The following TTC12 variants were observed in gnomAD, a reference collection of about 807,000 sequenced individuals.
TTC12 encodes the protein tetratricopeptide repeat domain 12.
In TTC12, 70 loss-of-function variants were observed where a neutral mutation model predicts 90.1. The ratio of observed to expected loss-of-function variants is 0.78; its 90% CI spans 0.64 to 0.95. The LOEUF is 0.95. Ranked by LOEUF, TTC12 falls within the 40% of genes least tolerant of loss-of-function variation. TTC12 has a pLI of 0.00. For synonymous variants in TTC12, 296 were observed against 311.5 expected (o/e 0.95, Z 0.53); for missense variants, 819 against 846.1 (o/e 0.97, Z 0.40).
chr11:113,337,104 TAAAA>T (rs1555144299), intron 8 of TTC12, among the ~76,000 whole-genome samples: 1 of 152,194 alleles, frequency 6.6e-6, no homozygotes, highest in African/African-American at 2.4e-5. Flanking sequence ...TAAAGCCAAA[TAAAA>T]GAAATGTGAA....
At chr11:113,348,277 A>G (rs1232445951) in intron 13 of TTC12, among the ~76,000 whole-genome samples, 1 of 152,178 alleles carries the variant, frequency 6.6e-6, no homozygotes, top group Non-Finnish European at 1.5e-5. Flanking sequence ...CGCCTAAGCC[A>G]ATGTCCTGGA....
At chr11:113,361,560 G>A (rs1473111382) in intron 18 of TTC12, among the ~76,000 whole-genome samples, 1 of 147,258 alleles carries the variant, frequency 6.8e-6, no homozygotes, top group Admixed American at 6.8e-5. Flanking sequence ...CAGTGGAGCT[G>A]CGTTTGCTGG....
In TTC12 at chr11:113,359,637, G is replaced by A. The variant is rs532183629; in HGVS notation, c.1545+176G>A. On this transcript the variant is annotated intron_variant, in intron 17 of 21. Transcript: ENST00000529221. ...CCTTTGCTCTGCTGAGGGATGGATG[G>A]ATCACCACTCAGTCATGTATTCACT... Among the ~76,000 whole-genome samples, 7 of 152,310 alleles carry A rather than the reference G, an allele frequency of 4.6e-5. No homozygotes were observed. The South Asian group carries it at 8.3e-4, about 18-fold the overall frequency.
intron 1 of TTC12, 60 bp from the exon 2 acceptor site, chr11:113,316,183 C>T: frequency 5.0e-6 from 4 of 805,762 alleles, no homozygotes; most frequent in South Asian, 9.3e-5. Flanking sequence ...GCTAATAAGC[C>T]TGACCGTTCT....
chr11:113,367,100 C>T (rs998744425), downstream of TTC12, among the ~76,000 whole-genome samples: 9 of 152,226 alleles, frequency 5.9e-5, no homozygotes, highest in African/African-American at 2.2e-4. Flanking sequence ...CAGGGTCACT[C>T]TAAACCAGGG....
intron 13 of TTC12, among the ~76,000 whole-genome samples, chr11:113,345,690 T>C (rs979690762): frequency 3.2e-4 from 49 of 152,358 alleles, no homozygotes; most frequent in African/African-American, 1.1e-3. Context: ...AGATGCAGAT[T>C]GTTAGTGGAG....
intron 8 of TTC12, among the ~76,000 whole-genome samples, chr11:113,338,051 A>G (rs1405125782): frequency 2.0e-5 from 3 of 147,012 alleles, no homozygotes; most frequent in African/African-American, 7.5e-5. Context: ...TGAACCTTCA[A>G]GATTATCTCA....
At chr11:113,335,086 C>A in intron 8 of TTC12, 49 bp downstream of exon 8, 2 of 1,337,318 alleles carry the variant, frequency 1.5e-6, no homozygotes, top group Non-Finnish European at 2.2e-6. Context: ...CAGACTGATG[C>A]TCCCAGTTGT....
chr11:113,368,846 A>G (rs1950299336), downstream of TTC12: 1 of 287,938 alleles, frequency 3.5e-6, no homozygotes, highest in Non-Finnish European at 6.5e-6. Context: ...CATTAAAAGT[A>G]ATGACAAAAA....
chr11:113,363,845 A>C lies in TTC12; in HGVS notation c.1734A>C (p.Ala578=), dbSNP rs536273999. 6.8e-6 allele frequency: 11 copies of C among 1,612,764 alleles called. No homozygotes were observed. The highest frequency in any genetic ancestry group is 9.3e-6 in the Non-Finnish European group (11 of 1,179,006). The part of the protein sequence containing the change: ...MKFLKTGGET[A]SRYAIKILAI... ...AAATCTAGACAGGAGGTGAGACTGC[A>C]TCACGTTATGCTATAAAGATACTAG... Residue 578 remains alanine, a synonymous_variant, in exon 20 of 22, where the codon GCA becomes GCC. Transcript: ENST00000529221.
At chr11:113,348,507 T>C (rs1591592149) in intron 13 of TTC12, among the ~76,000 whole-genome samples, 1 of 152,186 alleles carries the variant, frequency 6.6e-6, no homozygotes, top group Non-Finnish European at 1.5e-5. Context: ...ATCACAGTTC[T>C]CCCCTGGTTG....
chr11:113,372,247 A>G (rs1950405466), intron 21 of TTC12, among the ~76,000 whole-genome samples: 1 of 152,200 alleles, frequency 6.6e-6, no homozygotes, highest in Admixed American at 6.5e-5. Context: ...CATCAACATC[A>G]GGGGAAAATA....
intron 2 of TTC12, among the ~76,000 whole-genome samples, chr11:113,321,087 C>G (rs1555138210): frequency 6.6e-6 from 1 of 151,936 alleles, no homozygotes; most frequent in Non-Finnish European, 1.5e-5. Context: ...AGAAAATTGG[C>G]CAAGGATAGG....
chr11:113,360,485 T>C (rs558087572), intron 18 of TTC12, among the ~76,000 whole-genome samples: 2 of 152,344 alleles, frequency 1.3e-5, no homozygotes, highest in East Asian at 3.9e-4. Context: ...TTACCCTCTT[T>C]TTAAAATATA....
Position 113,364,704 on chromosome 11 carries a change from C to A in TTC12, c.1817-131C>A, listed in dbSNP as rs1343676436. The A allele has an allele frequency of 1.1e-5, 8 of 695,916 alleles. No individual in the cohort carries two copies. In the East Asian group the frequency reaches 1.9e-4, roughly 17 times the overall value. 43.1% of individuals were successfully genotyped at this position (695,916 alleles called of 1,614,324 possible). ...GAATGTTTGCTGATGAGTAAGTGAA[C>A]AAGTTCTGCTGCAGAGTTACTGGGG... On this transcript the variant is annotated intron_variant, in intron 20 of 21. Transcript: ENST00000529221.
chr11:113,368,456 T>G, downstream of TTC12: 2 of 1,550,550 alleles, frequency 1.3e-6, no homozygotes, highest in Non-Finnish European at 1.7e-6. Flanking sequence ...AGACACGGCT[T>G]GTTCCAGGTA....
chr11:113,334,190 A>G (rs145115973), intron 7 of TTC12, among the ~76,000 whole-genome samples: 263 of 152,308 alleles, frequency 1.7e-3, no homozygotes, highest in African/African-American at 6.1e-3. Context: ...ATTTGGCACA[A>G]TGTCTTGCAT....
intron 14 of TTC12, 105 bp downstream of exon 14, chr11:113,350,270 A>G: frequency 1.2e-6 from 1 of 865,850 alleles, no homozygotes; most frequent in East Asian, 2.7e-5. Context: ...CAAGTCTCCA[A>G]GTGAGTATTG....
intron 6 of TTC12, among the ~76,000 whole-genome samples, chr11:113,326,707 A>G (rs781846289): frequency 1.3e-5 from 2 of 152,346 alleles, no homozygotes; most frequent in African/African-American, 2.4e-5. Flanking sequence ...AACTATCCCA[A>G]TTTTGGAGAA....
Sources: allele counts gnomAD v4.1 joint callset (sites outside exome capture counted in the v4.1 genomes callset), GRCh38; gene constraint gnomAD v4.1.1; transcripts MANE v1.5; gene names NCBI Gene and HGNC (gene_info 2026-07-23, HGNC 2026-07-21).